Variants in RAB19 observed in about 807,000 individuals in gnomAD.
The protein encoded by RAB19 is RAB19, member RAS oncogene family.
In RAB19, 21 loss-of-function variants were observed where a neutral mutation model predicts 17.3. The ratio of observed to expected loss-of-function variants is 1.21; its 90% CI spans 0.86 to 1.74. The LOEUF is 1.74. Ranked by LOEUF, RAB19 falls within the 40% of genes most tolerant of loss-of-function variation. RAB19 has a pLI of 0.00. For synonymous variants in RAB19, 126 were observed against 110.4 expected (o/e 1.14, Z -0.88); for missense variants, 277 against 286.8 (o/e 0.97, Z 0.25).
chr7:140,421,241 G>A (rs1237395738), intron 3 of RAB19, among the ~76,000 whole-genome samples: 1 of 152,006 alleles, frequency 6.6e-6, no homozygotes, highest in Non-Finnish European at 1.5e-5. Flanking sequence ...ACCCAGGCTG[G>A]AGTGCAATAG....
intron 2 of RAB19, among the ~76,000 whole-genome samples, chr7:140,411,449 T>A (rs907199313): frequency 1.3e-5 from 2 of 151,702 alleles, no homozygotes; most frequent in Non-Finnish European, 2.9e-5. Flanking sequence ...AAATCGGCTG[T>A]CCAAGCTTCT....
intron 3 of RAB19, among the ~76,000 whole-genome samples, chr7:140,418,468 C>T (rs1488393813): frequency 6.7e-6 from 1 of 149,112 alleles, no homozygotes; most frequent in Non-Finnish European, 1.5e-5. Flanking sequence ...CCCAGCTACT[C>T]GGGAGGCTGA....
chr7:140,407,874 T>C (rs752790376), intron 2 of RAB19, 27 bp downstream of exon 2: 3 of 1,215,294 alleles, frequency 2.5e-6, no homozygotes, highest in Middle Eastern at 2.6e-4. Flanking sequence ...ACGGGACTGG[T>C]TCCACCTTTT....
At chr7:140,420,437 A>AAAG (rs1329684256) in intron 3 of RAB19, among the ~76,000 whole-genome samples, 17 of 149,976 alleles carry the variant, frequency 1.1e-4, no homozygotes, top group African/African-American at 3.0e-4. Flanking sequence ...AAAAAAAAAA[A>AAAG]AAGAAGAAGA....
At chr7:140,405,572 C>G (rs1405714244) in intron 1 of RAB19, among the ~76,000 whole-genome samples, 2 of 151,594 alleles carry the variant, frequency 1.3e-5, no homozygotes, top group African/African-American at 4.9e-5. Flanking sequence ...GCGCAGGGCT[C>G]TCATTATATT....
intron 3 of RAB19, among the ~76,000 whole-genome samples, chr7:140,412,643 C>T (rs1308424428): frequency 1.3e-5 from 2 of 150,968 alleles, no homozygotes; most frequent in African/African-American, 2.4e-5. Context: ...GCTGGGATTA[C>T]AGGCATGAGC....
At chr7:140,419,621 A>G (rs1341966276) in intron 3 of RAB19, among the ~76,000 whole-genome samples, 1 of 152,136 alleles carries the variant, frequency 6.6e-6, no homozygotes, top group Non-Finnish European at 1.5e-5. Context: ...ACATTCTGGT[A>G]TATGTTTATT....
At chr7:140,420,473 T>G (rs1448512852) in intron 3 of RAB19, among the ~76,000 whole-genome samples, 1 of 141,788 alleles carries the variant, frequency 7.1e-6, no homozygotes, top group Admixed American at 7.1e-5. Flanking sequence ...AGGCAGGGAG[T>G]CTTCTATGAG....
chr7:140,424,933 T>C (rs919236513), intron 3 of RAB19, among the ~76,000 whole-genome samples: 2 of 152,050 alleles, frequency 1.3e-5, no homozygotes, highest in African/African-American at 2.4e-5. Flanking sequence ...TATCTTTAGA[T>C]TCCTGCCTCA....
Position 140,425,901 on chromosome 7 carries a change from G to A in RAB19, c.405G>A (p.Trp135Ter), listed in dbSNP as rs760033770. 5 of 1,611,298 alleles carry A rather than the reference G, an allele frequency of 3.1e-6. No homozygotes were observed. The East Asian group carries it at 6.7e-5, about 22-fold the overall frequency. ...IMLIGNKCDL[W>*]EKRHVLFEDA... ...TTCCAGGAAATAAATGTGACCTCTG[G>A]GAAAAGCGGCACGTCCTGTTCGAGG... Residue 135 changes from tryptophan to a stop codon, truncating the protein, a stop_gained, in exon 4 of 4, where the codon TGG becomes TGA. Transcript: ENST00000537763. LOFTEE classifies it high-confidence loss of function.
At chr7:140,405,454 T>G (rs894419098) in intron 1 of RAB19, among the ~76,000 whole-genome samples, 6 of 151,982 alleles carry the variant, frequency 3.9e-5, no homozygotes, top group Admixed American at 6.6e-5. Context: ...ACTCCTGACC[T>G]CAAGTGATCC....
intron 3 of RAB19, among the ~76,000 whole-genome samples, chr7:140,422,502 T>G (rs965866084): frequency 2.6e-5 from 4 of 152,166 alleles, no homozygotes; most frequent in Non-Finnish European, 5.9e-5. Flanking sequence ...TCTAGTCCAT[T>G]CATGCTCTTG....
At chr7:140,413,947 CT>C (rs1443282951) in intron 3 of RAB19, among the ~76,000 whole-genome samples, 1 of 152,232 alleles carries the variant, frequency 6.6e-6, no homozygotes, top group African/African-American at 2.4e-5. Flanking sequence ...CCAGATCCAC[CT>C]TTGTATTAAG....
chr7:140,425,655 C>T (rs113294097), intron 3 of RAB19, among the ~76,000 whole-genome samples: 3,144 of 151,290 alleles, frequency 0.021, 102 homozygotes, highest in African/African-American at 0.072. Flanking sequence ...ACCTGGGAGA[C>T]GGAGGTTGCA....
chr7:140,418,511 G>A (rs1039099531), intron 3 of RAB19, among the ~76,000 whole-genome samples: 1 of 151,698 alleles, frequency 6.6e-6, no homozygotes. Context: ...GGGAGGCAGA[G>A]GTTGCGGTGA....
chr7:140,422,282 G>T (rs12538728), intron 3 of RAB19, among the ~76,000 whole-genome samples: 1 of 151,902 alleles, frequency 6.6e-6, no homozygotes, highest in African/African-American at 2.4e-5. Flanking sequence ...CCAGCTACTC[G>T]GGAGGCGGAG....
chr7:140,410,900 G>C, intron 2 of RAB19: 1 of 1,363,184 alleles, frequency 7.3e-7, no homozygotes, highest in Non-Finnish European at 9.8e-7. Context: ...CTGCCGCTTG[G>C]GTGGCTAATT....
intron 3 of RAB19, among the ~76,000 whole-genome samples, chr7:140,416,112 G>A (rs1033213115): frequency 4.6e-5 from 7 of 152,060 alleles, no homozygotes; most frequent in Non-Finnish European, 8.8e-5. Flanking sequence ...GGAGGCCAAG[G>A]CGGGCAGATC....
intron 3 of RAB19, among the ~76,000 whole-genome samples, chr7:140,424,663 G>GTA (rs36042630): frequency 0.023 from 2,735 of 117,646 alleles, 38 homozygotes; most frequent in African/African-American, 0.034. Context: ...ATATGTGTGT[G>GTA]TATATATATA....
Sources: allele counts gnomAD v4.1 joint callset (sites outside exome capture counted in the v4.1 genomes callset), GRCh38; gene constraint gnomAD v4.1.1; transcripts MANE v1.5; gene names NCBI Gene and HGNC (gene_info 2026-07-23, HGNC 2026-07-21).